ALCAM: variants seen among roughly 807,000 people sequenced by gnomAD.
ALCAM encodes the protein activated leukocyte cell adhesion molecule.
In ALCAM, 30 loss-of-function variants were observed where a neutral mutation model predicts 70.9. The ratio of observed to expected loss-of-function variants is 0.42; its 90% CI spans 0.32 to 0.57. ALCAM has a LOEUF of 0.57. Ranked by LOEUF, ALCAM falls within the 20% of genes least tolerant of loss-of-function variation. The pLI is 0.11. For missense variants in ALCAM, 591 were observed against 695.1 expected, an observed-to-expected ratio of 0.85 and a Z score of 1.68; for synonymous variants, 249 against 242.5, an observed-to-expected ratio of 1.03 and a Z score of -0.25.
intron 1 of ALCAM, among the ~76,000 whole-genome samples, chr3:105,519,828 A>G (rs1326245634): frequency 1.3e-5 from 2 of 152,128 alleles, no homozygotes; most frequent in Non-Finnish European, 2.9e-5. Context: ...AGATCTGCAA[A>G]TTTTGATTGT....
chr3:105,559,494 A>C (rs1430659472), intron 14 of ALCAM, among the ~76,000 whole-genome samples: 1 of 151,962 alleles, frequency 6.6e-6, no homozygotes, highest in Non-Finnish European at 1.5e-5. Flanking sequence ...TCTTGCTGTA[A>C]CTTCACATGA....
At chr3:105,513,908 G>A (rs527797231) in intron 1 of ALCAM, among the ~76,000 whole-genome samples, 7 of 152,062 alleles carry the variant, frequency 4.6e-5, no homozygotes, top group African/African-American at 1.7e-4. Flanking sequence ...GATCTACTCT[G>A]TAGAAATTGT....
intron 1 of ALCAM, among the ~76,000 whole-genome samples, chr3:105,393,135 A>G (rs1484563779): frequency 2.0e-5 from 3 of 151,834 alleles, no homozygotes. Context: ...TATTTGTTAC[A>G]ATAAACCTAC....
intron 1 of ALCAM, among the ~76,000 whole-genome samples, chr3:105,489,058 A>T (rs13080897): frequency 9.2e-5 from 14 of 152,028 alleles, no homozygotes; most frequent in Non-Finnish European, 1.9e-4. Context: ...CAACAAAGGC[A>T]TCCATGAAGG....
chr3:105,383,345 G>A (rs896324789), intron 1 of ALCAM, among the ~76,000 whole-genome samples: 32 of 151,450 alleles, frequency 2.1e-4, no homozygotes, highest in African/African-American at 7.5e-4. Context: ...GTACATTTTC[G>A]GTACACACCC....
rs1381767414 is a variant in ALCAM, at chr3:105,458,039, G to C, written c.74-62028G>C. Among the ~76,000 whole-genome samples, 4 of 150,828 alleles carry C rather than the reference G, an allele frequency of 2.7e-5. No individual in the cohort carries two copies. The East Asian group carries it at 7.9e-4, about 30-fold the overall frequency. On this transcript the variant is annotated intron_variant, in intron 1 of 15. Coordinates refer to ENST00000306107, the MANE Select transcript of ALCAM (RefSeq NM_001627.4). ...ATAAATCTAAAAAACTAGTTTCTTA[G>C]AGCTATTTTTATAGCTTTTCCTACT...
chr3:105,399,784 A>G (rs757482254), intron 1 of ALCAM, among the ~76,000 whole-genome samples: 13 of 152,152 alleles, frequency 8.5e-5, no homozygotes, highest in African/African-American at 1.2e-4. Context: ...GTCAGTTCCC[A>G]CAAAGACAAC....
Position 105,523,711 on chromosome 3 carries a change from A to G in ALCAM, c.175-578A>G, listed in dbSNP as rs112201943. On this transcript the variant is annotated intron_variant, in intron 2 of 15. Coordinates refer to ENST00000306107, the MANE Select transcript of ALCAM (RefSeq NM_001627.4). ...ATGACTCAGCAAAACTATGGGTTGTATTAGTTAATCTGACTCATTCCTTAA... is the reference window on the plus strand; with the variant it reads ...ATGACTCAGCAAAACTATGGGTTGTGTTAGTTAATCTGACTCATTCCTTAA... Among the ~76,000 whole-genome samples, 668 of 152,356 alleles carry G rather than the reference A, an allele frequency of 4.4e-3. 5 individuals carry two copies. Among genetic ancestry groups the G allele is most frequent in the African/African-American group, 0.015 (628 of 41,582 alleles).
chr3:105,449,069 A>C (rs1937362139), intron 1 of ALCAM, among the ~76,000 whole-genome samples: 1 of 152,200 alleles, frequency 6.6e-6, no homozygotes, highest in African/African-American at 2.4e-5. Context: ...GAAGGCTCAC[A>C]TGGAAAAAAA....
chr3:105,518,322 G>A (rs1213323269), intron 1 of ALCAM, among the ~76,000 whole-genome samples: 1 of 152,066 alleles, frequency 6.6e-6, no homozygotes, highest in Non-Finnish European at 1.5e-5. Context: ...ACATATTCAA[G>A]TGCCTTGTTA....
intron 1 of ALCAM, among the ~76,000 whole-genome samples, chr3:105,497,524 G>A (rs553685024): frequency 6.6e-6 from 1 of 152,218 alleles, no homozygotes; most frequent in South Asian, 2.1e-4. Flanking sequence ...AAATAAATGA[G>A]CTTGGATAGT....
intron 11 of ALCAM, among the ~76,000 whole-genome samples, chr3:105,548,744 C>T (rs1259194131): frequency 2.0e-5 from 3 of 151,526 alleles, no homozygotes; most frequent in African/African-American, 7.2e-5. Context: ...CTCTGGGCTC[C>T]TCAAACCTAG....
At chr3:105,507,169 C>A (rs955699851) in intron 1 of ALCAM, among the ~76,000 whole-genome samples, 1 of 152,132 alleles carries the variant, frequency 6.6e-6, no homozygotes, top group Non-Finnish European at 1.5e-5. Flanking sequence ...TATAGGCCCG[C>A]AATTCCCTGC....
rs1940964515 is a variant in ALCAM, at chr3:105,576,475, A to C, written c.*2024A>C. 6.6e-6 allele frequency: 1 copy of C among 152,640 alleles called. No individual in the cohort carries two copies. Among genetic ancestry groups the C allele is most frequent in the Non-Finnish European group, 1.5e-5 (1 of 68,034 alleles). The allele number at this position is 152,640 out of a possible 1,614,324, so 9.5% of individuals were successfully genotyped here. ...TAAGATATATTTGCAGAAAGAAGCA[A>C]CATGACAATAGAGAGAGTTATGCTA... On this transcript the variant is annotated 3_prime_UTR_variant, in exon 16 of 16. Coordinates refer to ENST00000306107, the MANE Select transcript of ALCAM (RefSeq NM_001627.4).
At chr3:105,368,822 G>A (rs1935149932) in intron 1 of ALCAM, among the ~76,000 whole-genome samples, 1 of 152,062 alleles carries the variant, frequency 6.6e-6, no homozygotes, top group Admixed American at 6.5e-5. Flanking sequence ...TTCTGGGTGA[G>A]GTAATGAGCT....
chr3:105,372,969 A>G (rs1935275706), intron 1 of ALCAM, among the ~76,000 whole-genome samples: 1 of 152,170 alleles, frequency 6.6e-6, no homozygotes, highest in African/African-American at 2.4e-5. Context: ...CCTTTGCTCA[A>G]TGACACTTCC....
chr3:105,474,261 G>A (rs1291480146), intron 1 of ALCAM, among the ~76,000 whole-genome samples: 1 of 151,656 alleles, frequency 6.6e-6, no homozygotes, highest in Non-Finnish European at 1.5e-5. Flanking sequence ...ATGTAATCAG[G>A]CACTGAATAG....
chr3:105,524,696 A>G (rs1414552101), intron 3 of ALCAM, 188 bp downstream of exon 3: 1 of 1,332,284 alleles, frequency 7.5e-7, no homozygotes, highest in Non-Finnish European at 9.6e-7. Context: ...TGAAATTCAA[A>G]TAGGAGATTT....
At chr3:105,379,608 C>G (rs559888031) in intron 1 of ALCAM, among the ~76,000 whole-genome samples, 1 of 151,450 alleles carries the variant, frequency 6.6e-6, no homozygotes, top group Non-Finnish European at 1.5e-5. Flanking sequence ...GAAAAATTTC[C>G]GATTGTTACA....
Sources: gnomAD v4.1 joint callset for allele counts (sites outside exome capture counted in the v4.1 genomes callset) on GRCh38, gnomAD v4.1.1 for gene constraint, MANE v1.5 for transcripts, NCBI Gene and HGNC (gene_info 2026-07-23, HGNC 2026-07-21) for gene names.